The following IFT74 variants were observed in gnomAD, a reference collection of about 807,000 sequenced individuals.
IFT74 encodes the protein intraflagellar transport 74, also known as intraflagellar transport protein 74 homolog.
A neutral mutation model predicts 96.7 loss-of-function variants in IFT74; 92 were observed. The observed-to-expected ratio is 0.95, with a 90% CI of 0.80 to 1.13. IFT74 has a LOEUF of 1.13. Ranked by LOEUF, IFT74 falls within the 50% of genes most tolerant of loss-of-function variation. IFT74 has a pLI of 0.00. For synonymous variants in IFT74, 223 were observed against 213.2 expected, an observed-to-expected ratio of 1.05 and a Z score of -0.40; for missense variants, 811 against 698.2, an observed-to-expected ratio of 1.16 and a Z score of -1.82.
chr9:27,013,255 A>G (rs1227159399), intron 10 of IFT74, among the ~76,000 whole-genome samples: 6 of 152,076 alleles, frequency 3.9e-5, no homozygotes, highest in Non-Finnish European at 1.5e-5. Flanking sequence ...TACAGTGTCT[A>G]TTTATATCAG....
intron 15 of IFT74, among the ~76,000 whole-genome samples, 191 bp from the exon 16 acceptor site, chr9:27,047,957 T>C (rs1819764907): frequency 6.6e-6 from 1 of 152,216 alleles, no homozygotes; most frequent in Non-Finnish European, 1.5e-5. Context: ...ATTTTGAATT[T>C]ATAGTCTGTC....
upstream of IFT74, among the ~76,000 whole-genome samples, chr9:26,954,823 T>G (rs10511796): frequency 0.084 from 12,830 of 151,926 alleles, 1,758 homozygotes; most frequent in East Asian, 0.69. Context: ...AAATTACAAC[T>G]TGATATAACC....
intron 13 of IFT74, among the ~76,000 whole-genome samples, chr9:27,033,379 G>A (rs1031685292): frequency 2.0e-5 from 3 of 151,846 alleles, no homozygotes; most frequent in African/African-American, 7.3e-5. Context: ...GCAACAGGGC[G>A]AAAACCTGTC....
chr9:27,050,310 C>T (rs574018177), intron 16 of IFT74, among the ~76,000 whole-genome samples: 9 of 152,320 alleles, frequency 5.9e-5, no homozygotes, highest in Middle Eastern at 3.4e-3. Context: ...CTGCCCACCT[C>T]GGCCTCCCAA....
At chr9:26,991,340 C>A (rs1166514998) in intron 8 of IFT74, among the ~76,000 whole-genome samples, 2 of 152,146 alleles carry the variant, frequency 1.3e-5, no homozygotes, top group African/African-American at 4.8e-5. Flanking sequence ...GTTGCCTCAG[C>A]CCTCCAAGTA....
chr9:27,006,913 T>C (rs941965656), intron 8 of IFT74, among the ~76,000 whole-genome samples: 1 of 142,714 alleles, frequency 7.0e-6, no homozygotes, highest in Non-Finnish European at 1.5e-5. Flanking sequence ...CTCGGCTCAC[T>C]GCAAGCTCTG....
chr9:26,962,097 A>G lies in IFT74; in HGVS notation c.120+10A>G, dbSNP rs753343428. On this transcript the variant is annotated intron_variant, in intron 2 of 19. Transcript: ENST00000380062. ...TCGAGTGGCAACTGCAGTAAGTTTG[A>G]AACAAATCTATTTACTTTGGGAGGC... 2 of 1,613,852 alleles carry G rather than the reference A, an allele frequency of 1.2e-6. No individual in the cohort carries two copies. The highest frequency in any genetic ancestry group is 2.7e-5 in the African/African-American group (2 of 74,910).
At chr9:26,998,988 C>T (rs530642004) in intron 8 of IFT74, among the ~76,000 whole-genome samples, 6 of 152,148 alleles carry the variant, frequency 3.9e-5, no homozygotes, top group South Asian at 4.1e-4. Flanking sequence ...AGCGAGATTC[C>T]GTCTCAAAAG....
At chr9:27,015,861 A>G (rs187567736) in intron 10 of IFT74, among the ~76,000 whole-genome samples, 15 of 152,346 alleles carry the variant, frequency 9.8e-5, no homozygotes, top group Non-Finnish European at 1.9e-4. Flanking sequence ...CATGTAGTAT[A>G]GTGCCTGGCA....
intron 19 of IFT74, among the ~76,000 whole-genome samples, chr9:27,062,134 G>A (rs1364492277): frequency 6.6e-6 from 1 of 152,156 alleles, no homozygotes; most frequent in Non-Finnish European, 1.5e-5. Flanking sequence ...TCTGTTGCCA[G>A]TGTTAGTGCA....
intron 1 of IFT74, among the ~76,000 whole-genome samples, chr9:26,949,699 C>T (rs1375012654): frequency 1.3e-5 from 2 of 152,074 alleles, no homozygotes; most frequent in African/African-American, 4.8e-5. Context: ...AATCCACCTC[C>T]AAGAATGTAG....
intron 8 of IFT74, among the ~76,000 whole-genome samples, chr9:27,006,982 G>A (rs577879405): frequency 1.1e-4 from 17 of 151,520 alleles, no homozygotes; most frequent in East Asian, 1.9e-4. Context: ...GACTACAGGC[G>A]CCCACCATCA....
chr9:26,969,080 T>C (rs1211466287), intron 2 of IFT74, among the ~76,000 whole-genome samples: 2 of 152,178 alleles, frequency 1.3e-5, no homozygotes, highest in Non-Finnish European at 2.9e-5. Context: ...CCTTTTGCTG[T>C]ATCACATAGG....
chr9:26,980,741 A>G, intron 4 of IFT74, 122 bp downstream of exon 4: 2 of 606,166 alleles, frequency 3.3e-6, no homozygotes, highest in South Asian at 2.2e-5. Context: ...ATAATTAGGT[A>G]TCTATTGATT....
rs1264631833 is a variant in IFT74 at position 27,016,937 on chromosome 9, G to A, written c.820G>A (p.Ala274Thr). 5 of 1,607,250 alleles carry A rather than the reference G, an allele frequency of 3.1e-6. No individual in the cohort carries two copies. The highest frequency in any genetic ancestry group is 4.2e-6 in the Non-Finnish European group (5 of 1,176,738). The change falls in exon 11 of 20, where the codon GCG (alanine) becomes ACG (threonine). Residue 274 changes from alanine to threonine, a missense_variant. Physicochemically the swap from Ala to Thr is moderately conservative, Grantham distance 58. Transcript: ENST00000380062. ...AGCTCACTCCCAGGTGAAACAGGAG[G>A]CGGTATTGCTGCATGAAAAACTTTA... ...EIAHSQVKQE[A>T]VLLHEKLYEL...
chr9:27,036,339 G>C, intron 13 of IFT74: 1 of 1,388,744 alleles, frequency 7.2e-7, no homozygotes, highest in East Asian at 2.7e-5. Flanking sequence ...AAAATTGGGT[G>C]AAACCTAATG....
chr9:27,008,689 A>T (rs1801580320), intron 8 of IFT74, among the ~76,000 whole-genome samples: 1 of 152,164 alleles, frequency 6.6e-6, no homozygotes, highest in South Asian at 2.1e-4. Context: ...GTATAACTTT[A>T]AAAAAGTATA....
At chr9:26,952,437 C>G (rs887801673), upstream of IFT74, among the ~76,000 whole-genome samples, 2 of 151,804 alleles carry the variant, frequency 1.3e-5, no homozygotes, top group Non-Finnish European at 2.9e-5. Context: ...TCACCATGCC[C>G]GGCTAATTTT....
intron 16 of IFT74, among the ~76,000 whole-genome samples, chr9:27,055,166 G>T (rs1474576069): frequency 6.6e-6 from 1 of 152,022 alleles, no homozygotes; most frequent in African/African-American, 2.4e-5. Context: ...TAACTTCATA[G>T]GACATAACTA....
Sources: gnomAD v4.1 joint callset for allele counts (sites outside exome capture counted in the v4.1 genomes callset) on GRCh38, gnomAD v4.1.1 for gene constraint, MANE v1.5 for transcripts, NCBI Gene and HGNC (gene_info 2026-07-23, HGNC 2026-07-21) for gene names.